The following DIP2C variants were observed in gnomAD, a reference collection of about 807,000 sequenced individuals.
DIP2C encodes the protein disco-interacting protein 2 homolog C.
In DIP2C, 33 loss-of-function variants were observed where a neutral mutation model predicts 192.4. The observed-to-expected ratio is 0.17, with a 90% CI of 0.13 to 0.23. The LOEUF is 0.23. Ranked by LOEUF, DIP2C falls within the 10% of genes least tolerant of loss-of-function variation. DIP2C has a pLI of 1.00. For missense variants in DIP2C, 1,537 were observed against 2,110.1 expected (o/e 0.73, Z 5.32); for synonymous variants, 979 against 864.1 (o/e 1.13, Z -2.33).
At chr10:674,785 T>TAGAGAGAGAGAG (rs778232277) in intron 1 of DIP2C, among the ~76,000 whole-genome samples, 4 of 92,032 alleles carry the variant, frequency 4.3e-5, no homozygotes, top group African/African-American at 1.2e-4. Flanking sequence ...TATATATATA[T>TAGAGAGAGAGAG]ATATAGAGAG....
intron 9 of DIP2C, among the ~76,000 whole-genome samples, chr10:405,057 A>C (rs1427834521): frequency 1.3e-5 from 2 of 152,272 alleles, no homozygotes; most frequent in Non-Finnish European, 2.9e-5. Context: ...TTGAAGTTCC[A>C]TCCAAAACTG....
chr10:643,439 G>A (rs1473486937), intron 1 of DIP2C, among the ~76,000 whole-genome samples: 10 of 150,490 alleles, frequency 6.6e-5, no homozygotes, highest in African/African-American at 1.7e-4. Flanking sequence ...GCACGAACCC[G>A]GGAGGCGGAG....
intron 1 of DIP2C, among the ~76,000 whole-genome samples, chr10:594,862 T>C (rs1474903260): frequency 2.0e-5 from 3 of 152,204 alleles, no homozygotes; most frequent in Non-Finnish European, 4.4e-5. Flanking sequence ...CAGGAAATGA[T>C]GAGCCTGATT....
chr10:648,112 A>G (rs1381495474), intron 1 of DIP2C, among the ~76,000 whole-genome samples: 1 of 151,806 alleles, frequency 6.6e-6, no homozygotes, highest in Admixed American at 6.5e-5. Flanking sequence ...CCACGTCCAC[A>G]TTGGACGGTG....
chr10:342,158 T>A (rs1958181031), intron 28 of DIP2C, among the ~76,000 whole-genome samples: 1 of 150,612 alleles, frequency 6.6e-6, no homozygotes, highest in Non-Finnish European at 1.5e-5. Flanking sequence ...TAACCCACTC[T>A]CTCTCTTTTT....
intron 3 of DIP2C, among the ~76,000 whole-genome samples, chr10:442,132 C>A (rs913804033): frequency 6.6e-6 from 1 of 152,154 alleles, no homozygotes; most frequent in African/African-American, 2.4e-5. Context: ...AAAATCACCA[C>A]CAACCAAAAT....
At chr10:576,530 C>T (rs1045569434) in intron 1 of DIP2C, among the ~76,000 whole-genome samples, 1 of 152,208 alleles carries the variant, frequency 6.6e-6, no homozygotes, top group Admixed American at 6.5e-5. Context: ...CATGTACATA[C>T]ACAACCACAT....
rs374530967 is a variant in DIP2C, at chr10:679,115, G to A, written c.85+10379C>T. Among the ~76,000 whole-genome samples the A allele has an allele frequency of 1.3e-3, 14 of 10,540 alleles. 1 individual carries two copies. Among genetic ancestry groups the A allele is most frequent in the African/African-American group, 2.2e-3 (11 of 5,088 alleles). The allele number at this position is 10,540 out of a possible 152,430, so 6.9% of individuals were successfully genotyped here. On this transcript the variant is annotated intron_variant, in intron 1 of 36. Transcript: ENST00000280886. ...CCCCGCACCCATCTCTGCTCCCCAC[G>A]CCCATGCTCCCCGCACCCATCCTCC...
intron 3 of DIP2C, among the ~76,000 whole-genome samples, chr10:446,080 T>C (rs1256558385): frequency 6.6e-6 from 1 of 151,852 alleles, no homozygotes; most frequent in Admixed American, 6.6e-5. Context: ...GGCATCTGTA[T>C]ACGTCTGTTG....
chr10:475,534 C>G (rs1470573483), intron 2 of DIP2C, among the ~76,000 whole-genome samples: 2 of 152,164 alleles, frequency 1.3e-5, no homozygotes, highest in Non-Finnish European at 2.9e-5. Flanking sequence ...GAGTTCCAGG[C>G]TGCTGCTCGG....
intron 32 of DIP2C, among the ~76,000 whole-genome samples, chr10:296,978 G>A (rs572074335): frequency 2.0e-5 from 3 of 151,828 alleles, no homozygotes; most frequent in East Asian, 1.9e-4. Context: ...CGTGGCACAT[G>A]TATACATATG....
chr10:563,071 G>A (rs77651271), intron 1 of DIP2C, among the ~76,000 whole-genome samples: 4,675 of 152,350 alleles, frequency 0.031, 116 homozygotes, highest in Non-Finnish European at 0.046. Context: ...GGGCAGTATT[G>A]TGTCTTTGTT....
chr10:369,501 C>T lies in DIP2C; in HGVS notation c.2124G>A (p.Met708Ile). 1 of 1,547,120 alleles carries T rather than the reference C, an allele frequency of 6.5e-7. No homozygotes were observed. Among genetic ancestry groups the T allele is most frequent in the Non-Finnish European group, 8.7e-7 (1 of 1,143,602 alleles). The change falls in exon 18 of 37, where the codon ATG becomes ATA. Residue 708 changes from methionine to isoleucine, a missense_variant. By Grantham distance (10) the Met-to-Ile change is conservative (BLOSUM62 1). Transcript: ENST00000280886. ...CTCGCGACCCACACTCACCTCCAGG[C>T]ATCACGAGGCCGACATCCTGCACGG... is the stretch of plus-strand genomic sequence containing the variant. ...VLTVQDVGLV[M>I]PGAIMCSVKP...
At chr10:511,841 T>G (rs748879269) in intron 1 of DIP2C, among the ~76,000 whole-genome samples, 1 of 152,264 alleles carries the variant, frequency 6.6e-6, no homozygotes, top group Non-Finnish European at 1.5e-5. Context: ...TTTTCAAAAC[T>G]GTAAGAACAA....
At chr10:454,268 T>C (rs1969095543) in intron 3 of DIP2C, among the ~76,000 whole-genome samples, 1 of 151,948 alleles carries the variant, frequency 6.6e-6, no homozygotes, top group Non-Finnish European at 1.5e-5. Context: ...CTATTGCTAG[T>C]GAAGAGTTTG....
chr10:688,386 T>C (rs1215478085), intron 1 of DIP2C, among the ~76,000 whole-genome samples: 1 of 152,156 alleles, frequency 6.6e-6, no homozygotes, highest in African/African-American at 2.4e-5. Context: ...CTCACTCCCT[T>C]CTTTGCCCTG....
chr10:586,976 G>A (rs577418661), intron 1 of DIP2C, among the ~76,000 whole-genome samples: 2 of 152,084 alleles, frequency 1.3e-5, no homozygotes, highest in African/African-American at 4.8e-5. Flanking sequence ...AGACTACCCG[G>A]GTCCCCACTG....
intron 36 of DIP2C, among the ~76,000 whole-genome samples, chr10:278,427 C>CA (rs1564496086): frequency 7.2e-6 from 1 of 139,036 alleles, no homozygotes; most frequent in Non-Finnish European, 1.6e-5. Context: ...CTTCTCCTGG[C>CA]GTGCCTGTGC....
intron 1 of DIP2C, among the ~76,000 whole-genome samples, chr10:594,225 C>T (rs1851566258): frequency 6.6e-6 from 1 of 152,184 alleles, no homozygotes; most frequent in Non-Finnish European, 1.5e-5. Context: ...ATGTAAATAG[C>T]ACTCCTGCCA....
Sources: allele counts gnomAD v4.1 joint callset (sites outside exome capture counted in the v4.1 genomes callset), GRCh38; gene constraint gnomAD v4.1.1; transcripts MANE v1.5; gene names NCBI Gene and HGNC (gene_info 2026-07-23, HGNC 2026-07-21).